The following MROH2B variants were observed in gnomAD, a reference collection of about 807,000 sequenced individuals.
The protein encoded by MROH2B is maestro heat like repeat family member 2B.
MROH2B carries 177 observed loss-of-function variants against 208.6 expected under a neutral mutation model. The observed-to-expected ratio is 0.85, with a 90% CI of 0.75 to 0.96. The LOEUF (loss-of-function observed/expected upper bound fraction) is 0.96, where lower values mean the gene tolerates loss of function less well. MROH2B is among the 40% of genes least tolerant of loss of function. The pLI is 0.00. For synonymous variants in MROH2B, 728 were observed against 659.0 expected (o/e 1.10, Z -1.60); for missense variants, 2,002 against 1,878.7 (o/e 1.07, Z -1.21).
At position 41,033,143 on chromosome 5, in the gene MROH2B, C is replaced by A. The variant is rs201372772; in HGVS notation, c.2259G>T (p.Met753Ile). The A allele has an allele frequency of 2.1e-5, 34 of 1,612,848 alleles. No individual in the cohort carries two copies. The Middle Eastern group carries it at 6.6e-4, about 31-fold the overall frequency. The change falls in exon 23 of 42, where the codon ATG becomes ATT. Residue 753 changes from methionine (M) to isoleucine (I), a missense_variant. Met to Ile is a conservative substitution (Grantham distance 10). Transcript: ENST00000399564. ...SVMNKDMDLQ[M>I]SFTRSITEIG... Reference sequence around the variant, plus strand: ...TCTCAGTGATGCTTCTTGTGAAACTCATTTGCAGATCCATGTCCTAAAGCA... The same window carrying A: ...TCTCAGTGATGCTTCTTGTGAAACTAATTTGCAGATCCATGTCCTAAAGCA...
At chr5:41,007,030 A>G (rs1458390824) in intron 34 of MROH2B, among the ~76,000 whole-genome samples, 1 of 152,232 alleles carries the variant, frequency 6.6e-6, no homozygotes, top group Non-Finnish European at 1.5e-5. Context: ...AAAAAGTTCA[A>G]CAGAATTCTA....
intron 6 of MROH2B, among the ~76,000 whole-genome samples, chr5:41,060,466 A>G (rs1743600636): frequency 1.3e-5 from 2 of 152,058 alleles, no homozygotes; most frequent in African/African-American, 2.4e-5. Flanking sequence ...TTTCTGCCTT[A>G]TATCTTTTTT....
In MROH2B at chr5:41,018,678, A is replaced by T; in HGVS notation, c.2673+13T>A. On this transcript the variant is annotated intron_variant, in intron 26 of 41. Coordinates refer to ENST00000399564, the MANE Select transcript of MROH2B (RefSeq NM_173489.5). ...GGAGAATGAGAATCAGTTTGAGTGG[A>T]GGCTCTACTCACATTAAACATTTCT... is the stretch of plus-strand genomic sequence containing the variant. 7 of 1,612,048 alleles carry T rather than the reference A, an allele frequency of 4.3e-6. No homozygotes were observed. Among genetic ancestry groups the T allele is most frequent in the Non-Finnish European group, 5.9e-6 (7 of 1,178,314 alleles).
chr5:41,002,961 C>CT lies in MROH2B; in HGVS notation c.4194+1384dup, dbSNP rs200774331. On this transcript the variant is annotated intron_variant, in intron 37 of 41. Transcript: ENST00000399564. ...TTGAGGACAAGATAATTAAAAATTG[C>CT]TTTTTTTTTTTTTTTTGAGATGGAG... 4.8e-3 allele frequency among the ~76,000 whole-genome samples: 649 copies of CT among 136,494 alleles called. 3 individuals are homozygous for CT. The highest frequency in any genetic ancestry group is 0.011 in the African/African-American group (398 of 37,280). 89.5% of individuals were successfully genotyped at this position (136,494 alleles called of 152,430 possible). A position where few individuals can be genotyped will look rare whatever the true frequency, so the allele number is the denominator to read the frequency against.
intron 3 of MROH2B, among the ~76,000 whole-genome samples, chr5:41,066,345 A>T (rs763225399): frequency 1.8e-4 from 27 of 152,212 alleles, no homozygotes; most frequent in Non-Finnish European, 3.4e-4. Flanking sequence ...GCAAACTCAC[A>T]ATATAGGTTG....
Position 41,033,052 on chromosome 5 carries a change from C to T in MROH2B, c.2350G>A (p.Gly784Ser). ...CTCTGCACACTCACCAGCATGTAAC[C>T]AATCAGCATCTCCTTGTAGGAAAAC... The part of the protein sequence containing the change: ...FQFSYKEMLI[G>S]YMLDFIRDEP... The change falls in exon 23 of 42, where the codon GGT becomes AGT. Residue 784 changes from glycine to serine, a missense_variant. Transcript: ENST00000399564. 1 of 1,612,992 alleles carries T rather than the reference C, an allele frequency of 6.2e-7. No homozygotes were observed. Among genetic ancestry groups the T allele is most frequent in the Non-Finnish European group, 8.5e-7 (1 of 1,179,240 alleles).
At chr5:41,063,919 G>A (rs1743718679) in intron 5 of MROH2B, among the ~76,000 whole-genome samples, 2 of 152,218 alleles carry the variant, frequency 1.3e-5, no homozygotes, top group Non-Finnish European at 2.9e-5. Context: ...AGAGGAGTTT[G>A]TGACCACAGT....
intron 5 of MROH2B, 30 bp downstream of exon 5, chr5:41,064,442 A>G: frequency 6.3e-7 from 1 of 1,587,402 alleles, no homozygotes; most frequent in South Asian, 1.1e-5. Flanking sequence ...CCTGGTTTTT[A>G]AGCAAAAAGG....
rs1414798455 is a variant in MROH2B, at chr5:41,047,756, T to A, written c.1693A>T (p.Ile565Phe). 1.9e-6 allele frequency: 3 copies of A among 1,590,720 alleles called. No individual in the cohort carries two copies. Among genetic ancestry groups the A allele is most frequent in the Non-Finnish European group, 2.6e-6 (3 of 1,167,432 alleles). Residue 565 changes from isoleucine (I) to phenylalanine (F), a missense_variant, in exon 17 of 42, where the codon ATC (isoleucine) becomes TTC (phenylalanine). Coordinates refer to ENST00000399564, the MANE Select transcript of MROH2B (RefSeq NM_173489.5). The part of the protein sequence containing the change: ...ELLQPLEGKN[I>F]STVLWETMLL... ...ATGGTTTCCCATAGAACGGTACTGA[T>A]GTTCTTTCCTAGAAACAAAAATTGA...
intron 29 of MROH2B, among the ~76,000 whole-genome samples, chr5:41,015,164 T>G (rs904718467): frequency 3.9e-5 from 6 of 152,230 alleles, no homozygotes; most frequent in Non-Finnish European, 8.8e-5. Flanking sequence ...TCCCACATTT[T>G]GGGAAAGGAC....
chr5:41,030,088 T>TA (rs1291497165), intron 24 of MROH2B, among the ~76,000 whole-genome samples: 1 of 144,320 alleles, frequency 6.9e-6, no homozygotes, highest in East Asian at 2.0e-4. Context: ...CCAGAATAAA[T>TA]TAAAAAAAAT....
intron 13 of MROH2B, 143 bp from the exon 14 acceptor site, chr5:41,049,579 T>C (rs1743225675): frequency 1.6e-5 from 15 of 937,752 alleles, no homozygotes; most frequent in Non-Finnish European, 2.1e-5. Context: ...ATGAGATCAT[T>C]AAAGGAAGCC....
At chr5:41,063,419 G>C (rs114447651) in intron 5 of MROH2B, among the ~76,000 whole-genome samples, 1,702 of 152,278 alleles carry the variant, frequency 0.011, 15 homozygotes, top group Non-Finnish European at 0.018. Flanking sequence ...GTTCTCACTT[G>C]TAAAATGGTG....
intron 19 of MROH2B, 34 bp downstream of exon 19, chr5:41,042,058 A>G: frequency 8.1e-7 from 1 of 1,237,748 alleles, no homozygotes; most frequent in Non-Finnish European, 1.2e-6. Flanking sequence ...TGTTGTTATC[A>G]TCATAAGAGG....
At chr5:41,029,265 ATCT>A (rs2150164610) in intron 24 of MROH2B, among the ~76,000 whole-genome samples, 1 of 152,246 alleles carries the variant, frequency 6.6e-6, no homozygotes, top group East Asian at 1.9e-4. Context: ...CCATTTGCAT[ATCT>A]TCTTTTGAGA....
Position 41,018,799 on chromosome 5 carries a change from AT to A in MROH2B, c.2578-14del, listed in dbSNP as rs780020260. 1 of 1,613,778 alleles carries A rather than the reference AT, an allele frequency of 6.2e-7. No individual in the cohort carries two copies. Among genetic ancestry groups the A allele is most frequent in the Admixed American group, 1.7e-5 (1 of 59,966 alleles). On this transcript the variant is annotated splice_polypyrimidine_tract_variant and intron_variant, in intron 25 of 41. Transcript: ENST00000399564. ...GTTCATAGAGAAACTGAAATCAAAT[AT>A]GTGTGTGTGAGTCTCAGGCTGGGGT...
chr5:41,027,546 C>A (rs1424393143), intron 24 of MROH2B, among the ~76,000 whole-genome samples: 1 of 152,086 alleles, frequency 6.6e-6, no homozygotes, highest in Non-Finnish European at 1.5e-5. Context: ...ACAACAGGTG[C>A]TGGAGAGGAT....
rs1411283692 is a variant in MROH2B, at chr5:41,048,367, G to A, written c.1641C>T (p.Asp547=). The A allele has an allele frequency of 1.2e-6, 2 of 1,613,444 alleles. No individual in the cohort carries two copies. Among genetic ancestry groups the A allele is most frequent in the Non-Finnish European group, 1.7e-6 (2 of 1,179,684 alleles). ...LPEIIHPKLV[D]LWKTRLPELL... is the part of the protein sequence containing the mutation. The stretch of plus-strand genomic sequence containing the variant: ...GCTCAGGTAAACGTGTTTTCCATAG[G>A]TCTACCAATTTTGGGTGAATTATCT... Residue 547 remains aspartate, a synonymous_variant, in exon 16 of 42, where the codon GAC becomes GAT. Coordinates refer to ENST00000399564, the MANE Select transcript of MROH2B (RefSeq NM_173489.5).
At chr5:41,021,031 A>T (rs1041650501) in intron 24 of MROH2B, among the ~76,000 whole-genome samples, 2 of 152,240 alleles carry the variant, frequency 1.3e-5, no homozygotes, top group Non-Finnish European at 2.9e-5. Flanking sequence ...ACACAGTCTT[A>T]TATGTAGGAG....
Sources: gnomAD v4.1 joint callset for allele counts (sites outside exome capture counted in the v4.1 genomes callset) on GRCh38, gnomAD v4.1.1 for gene constraint, MANE v1.5 for transcripts, NCBI Gene and HGNC (gene_info 2026-07-23, HGNC 2026-07-21) for gene names.